RBFOX2: variants seen among roughly 807,000 people sequenced by gnomAD.
RBFOX2 encodes RNA binding protein fox-1 homolog 2.
RBFOX2 carries 10 observed loss-of-function variants against 49.1 expected under a neutral mutation model. The ratio of observed to expected loss-of-function variants is 0.20; its 90% confidence interval spans 0.13 to 0.35. The LOEUF is 0.35. Ranked by LOEUF, RBFOX2 falls within the 10% of genes least tolerant of loss-of-function variation. The pLI is 1.00. For synonymous variants in RBFOX2, 183 were observed against 187.4 expected, an observed-to-expected ratio of 0.98 and a Z score of 0.19; for missense variants, 323 against 486.9, an observed-to-expected ratio of 0.66 and a Z score of 3.17.
At chr22:35,962,080 G>A (rs573149123), upstream of RBFOX2, among the ~76,000 whole-genome samples, 31 of 152,322 alleles carry the variant, frequency 2.0e-4, no homozygotes, top group South Asian at 6.4e-3. Context: ...AAACAGTTGG[G>A]TCATTTCAGC....
chr22:35,962,226 C>G (rs2056270602), upstream of RBFOX2, among the ~76,000 whole-genome samples: 1 of 152,144 alleles, frequency 6.6e-6, no homozygotes, highest in Non-Finnish European at 1.5e-5. Context: ...TTTCCTCCAT[C>G]ATAGGAAGAA....
chr22:35,971,068 T>A (rs1195384645), intron 1 of RBFOX2, among the ~76,000 whole-genome samples: 3 of 152,034 alleles, frequency 2.0e-5, no homozygotes, highest in Non-Finnish European at 4.4e-5. Flanking sequence ...TGCAGCTGAG[T>A]GTCACCAAAA....
chr22:35,856,441 G>A (rs1046591987), intron 1 of RBFOX2, among the ~76,000 whole-genome samples: 1 of 152,088 alleles, frequency 6.6e-6, no homozygotes, highest in Non-Finnish European at 1.5e-5. Context: ...CCTGCCAAAT[G>A]TTTAAGGATA....
chr22:35,773,200 A>G (rs1569032191), intron 4 of RBFOX2, among the ~76,000 whole-genome samples: 1 of 152,088 alleles, frequency 6.6e-6, no homozygotes, highest in Non-Finnish European at 1.5e-5. Flanking sequence ...AAGTATTTTG[A>G]TAATATTTTG....
chr22:35,946,957 C>T (rs1219535811), intron 1 of RBFOX2, among the ~76,000 whole-genome samples: 5 of 152,128 alleles, frequency 3.3e-5, no homozygotes, highest in Non-Finnish European at 7.4e-5. Context: ...TCTGGGAGGC[C>T]GAGGAGGGAG....
chr22:35,986,697 C>A (rs1033342349), intron 1 of RBFOX2, among the ~76,000 whole-genome samples: 1 of 152,182 alleles, frequency 6.6e-6, no homozygotes, highest in Non-Finnish European at 1.5e-5. Context: ...GAAGTATCAG[C>A]CAGAATAGCT....
chr22:35,831,155 G>A (rs1956718299), intron 1 of RBFOX2, among the ~76,000 whole-genome samples: 1 of 152,170 alleles, frequency 6.6e-6, no homozygotes, highest in Admixed American at 6.5e-5. Flanking sequence ...TTTTTAAATA[G>A]TTAAGAGGCC....
At chr22:35,966,532 A>G (rs541473382), upstream of RBFOX2, among the ~76,000 whole-genome samples, 2 of 152,160 alleles carry the variant, frequency 1.3e-5, no homozygotes, top group African/African-American at 4.8e-5. Flanking sequence ...GTCATTCTGG[A>G]GGTAGTGTGA....
rs1451668549 is a variant in RBFOX2 at position 36,010,778 on chromosome 22, C to CGT, written c.186+17460_186+17461dup. ...ACACACACACACACACACACACACACGTGTGTTTATATTCTCTATTTGTTG... is the reference window on the plus strand; with the variant it reads ...ACACACACACACACACACACACACACGTGTGTGTTTATATTCTCTATTTGTTG... On this transcript the variant is annotated intron_variant, in intron 1 of 13. Transcript: ENST00000438146. Among the ~76,000 whole-genome samples, 8 of 139,570 alleles carry CGT rather than the reference C, an allele frequency of 5.7e-5. No homozygotes were observed. In the South Asian group the frequency reaches 6.9e-4, roughly 12 times the overall value. The allele number at this position is 139,570 out of a possible 152,430, so 91.6% of individuals were successfully genotyped here.
Position 35,936,237 on chromosome 22 carries a change from C to CAA in RBFOX2, c.-34+2608_-34+2609dup, listed in dbSNP as rs58153258. Among the ~76,000 whole-genome samples the CAA allele has an allele frequency of 2.2e-3, 142 of 64,510 alleles. 2 individuals are homozygous for CAA. The highest frequency in any genetic ancestry group is 0.01 in the East Asian group (29 of 2,896). 42.3% of individuals were successfully genotyped at this position (64,510 alleles called of 152,430 possible). A position where few individuals can be genotyped will look rare whatever the true frequency, so the allele number is the denominator to read the frequency against. Reference sequence around the variant, plus strand: ...AAAAACCAAACCAAACCAACAACAACAAAAAAAAAAAAAAAAAAAAGGGAA... The same window carrying CAA: ...AAAAACCAAACCAAACCAACAACAACAAAAAAAAAAAAAAAAAAAAAAGGGAA... On this transcript the variant is annotated intron_variant, in intron 1 of 13. Coordinates refer to the RBFOX2 transcript ENST00000359369.
At chr22:35,850,596 C>T (rs2041829054) in intron 1 of RBFOX2, among the ~76,000 whole-genome samples, 1 of 152,166 alleles carries the variant, frequency 6.6e-6, no homozygotes, top group South Asian at 2.1e-4. Context: ...TCAGAAAAGC[C>T]AGTTGCTTTT....
chr22:35,874,276 T>C (rs901488779), intron 1 of RBFOX2, among the ~76,000 whole-genome samples: 10 of 152,094 alleles, frequency 6.6e-5, no homozygotes, highest in African/African-American at 1.9e-4. Flanking sequence ...ATGTAAAAGG[T>C]ACAAAGCAAT....
intron 2 of RBFOX2, among the ~76,000 whole-genome samples, chr22:35,794,167 GAGTA>G (rs1429457542): frequency 6.6e-6 from 1 of 151,942 alleles, no homozygotes; most frequent in Non-Finnish European, 1.5e-5. Flanking sequence ...AAAAGTTGAA[GAGTA>G]AGTAGAAGCT....
chr22:36,017,193 T>C (rs2059069500), intron 1 of RBFOX2, among the ~76,000 whole-genome samples: 2 of 152,188 alleles, frequency 1.3e-5, no homozygotes, highest in African/African-American at 4.8e-5. Context: ...AAATACCATG[T>C]ATTGTGAAGT....
intron 1 of RBFOX2, among the ~76,000 whole-genome samples, chr22:35,989,456 T>G (rs1045131686): frequency 1.1e-4 from 17 of 151,310 alleles, no homozygotes; most frequent in Admixed American, 9.9e-4. Flanking sequence ...CGCAAGGGGG[T>G]TAATGGTGAT....
At chr22:35,859,275 A>G (rs1333760302) in intron 1 of RBFOX2, among the ~76,000 whole-genome samples, 2 of 152,214 alleles carry the variant, frequency 1.3e-5, no homozygotes, top group Non-Finnish European at 2.9e-5. Context: ...GGAGTTTTCT[A>G]GATGGATTAG....
At chr22:35,846,120 T>C (rs982018292) in intron 1 of RBFOX2, among the ~76,000 whole-genome samples, 27 of 150,360 alleles carry the variant, frequency 1.8e-4, no homozygotes, top group Middle Eastern at 3.5e-3. Context: ...ACATAAACTA[T>C]ATAAGTATAA....
chr22:35,958,618 T>C (rs1478611736), intron 1 of RBFOX2, among the ~76,000 whole-genome samples: 1 of 152,176 alleles, frequency 6.6e-6, no homozygotes, highest in East Asian at 1.9e-4. Flanking sequence ...ATTAATTCCC[T>C]GGTCAGAAAG....
At chr22:35,820,122 G>A (rs981919974) in intron 1 of RBFOX2, among the ~76,000 whole-genome samples, 6 of 152,260 alleles carry the variant, frequency 3.9e-5, no homozygotes, top group African/African-American at 7.2e-5. Context: ...AAAGAGGGAC[G>A]TTGATAGAAA....
Sources: gnomAD v4.1 joint callset for allele counts (sites outside exome capture counted in the v4.1 genomes callset) on GRCh38, gnomAD v4.1.1 for gene constraint, MANE v1.5 for transcripts, NCBI Gene and HGNC (gene_info 2026-07-23, HGNC 2026-07-21) for gene names.